Variants in MAML3 observed in about 807,000 individuals in gnomAD.
MAML3 encodes the protein mastermind-like protein 3.
MAML3 carries 27 observed loss-of-function variants against 101.9 expected under a neutral mutation model. The ratio of observed to expected loss-of-function variants is 0.27; its 90% CI spans 0.20 to 0.37. The LOEUF is 0.37. MAML3 is among the 10% of genes least tolerant of loss of function. The pLI, the probability that MAML3 is intolerant of heterozygous loss-of-function variation, is 1.00. For missense variants in MAML3, 1,316 were observed against 1,444.9 expected, an observed-to-expected ratio of 0.91 and a Z score of 1.45; for synonymous variants, 501 against 555.9, an observed-to-expected ratio of 0.90 and a Z score of 1.39.
intron 1 of MAML3, among the ~76,000 whole-genome samples, chr4:140,065,315 T>A (rs1560882169): frequency 6.6e-6 from 1 of 152,002 alleles, no homozygotes; most frequent in Non-Finnish European, 1.5e-5. Context: ...AAAAATTTCA[T>A]CAAGGTAGAA....
rs1303019974 is a variant in MAML3 at position 139,785,183 on chromosome 4, C to T, written c.2080-54516G>A. Among the ~76,000 whole-genome samples, 1 of 152,224 alleles carries T rather than the reference C, an allele frequency of 6.6e-6. No homozygotes were observed. The highest frequency in any genetic ancestry group is 1.9e-4 in the East Asian group (1 of 5,200). On this transcript the variant is annotated intron_variant, in intron 2 of 4. Transcript: ENST00000509479. This position sits in a 1 kb window ranked among gnomAD's most constrained non-coding sequence, Gnocchi z 4.3. ...CTGACAGACACCCAGCCACATGGCT[C>T]CTGGGTGCTCAATGTCTGAACCACA...
intron 2 of MAML3, among the ~76,000 whole-genome samples, chr4:139,821,367 C>T (rs998163503): frequency 5.3e-5 from 8 of 152,166 alleles, no homozygotes; most frequent in African/African-American, 1.9e-4. Context: ...ATTCTCATAG[C>T]AGCACAAACC....
At chr4:140,089,581 T>C (rs1728010993) in intron 1 of MAML3, among the ~76,000 whole-genome samples, 1 of 152,254 alleles carries the variant, frequency 6.6e-6, no homozygotes, top group Non-Finnish European at 1.5e-5. Flanking sequence ...ATAAGCTTTT[T>C]ACTGATATAT....
chr4:140,002,931 T>C (rs1012901681), intron 1 of MAML3, among the ~76,000 whole-genome samples: 2 of 152,228 alleles, frequency 1.3e-5, no homozygotes, highest in African/African-American at 4.8e-5. Context: ...TGGCAGGGTC[T>C]GTTGGAACCA....
chr4:140,116,074 TC>T (rs954388511), intron 1 of MAML3, among the ~76,000 whole-genome samples: 7 of 152,208 alleles, frequency 4.6e-5, no homozygotes, highest in African/African-American at 1.7e-4. Context: ...TTTCATTGTT[TC>T]CCTTTTTTAA....
At chr4:139,989,675 A>G (rs901543990) in intron 1 of MAML3, among the ~76,000 whole-genome samples, 2 of 152,002 alleles carry the variant, frequency 1.3e-5, no homozygotes, top group Non-Finnish European at 2.9e-5. Flanking sequence ...CTTCCTACCC[A>G]GGTGTTTTTG....
intron 4 of MAML3, 95 bp downstream of exon 4, chr4:139,725,656 A>G: frequency 2.5e-6 from 3 of 1,209,458 alleles, no homozygotes; most frequent in Non-Finnish European, 3.6e-6. Context: ...TTTCCTGGAC[A>G]CAAATACAGC....
At chr4:140,087,953 C>G (rs1727984669) in intron 1 of MAML3, among the ~76,000 whole-genome samples, 1 of 152,172 alleles carries the variant, frequency 6.6e-6, no homozygotes, top group African/African-American at 2.4e-5. Flanking sequence ...TACTTGTTAA[C>G]AGGTTCACAC....
intron 2 of MAML3, among the ~76,000 whole-genome samples, chr4:139,796,094 T>C (rs1316886792): frequency 1.3e-5 from 2 of 152,220 alleles, no homozygotes; most frequent in Non-Finnish European, 2.9e-5. Flanking sequence ...GGGAGCTTCA[T>C]GTTTTTTCTT....
chr4:139,870,303 C>T (rs532883594), intron 2 of MAML3, among the ~76,000 whole-genome samples: 3 of 152,044 alleles, frequency 2.0e-5, no homozygotes, highest in Admixed American at 6.5e-5. Context: ...CCTCACCCCA[C>T]CCTACCCCTG....
chr4:139,785,945 T>C lies in MAML3; in HGVS notation c.2080-55278A>G, dbSNP rs1399618439. Among the ~76,000 whole-genome samples, 1 of 152,138 alleles carries C rather than the reference T, an allele frequency of 6.6e-6. No homozygotes were observed. Among genetic ancestry groups the C allele is most frequent in the Admixed American group, 6.5e-5 (1 of 15,278 alleles). ...AATGGGGGTGTTATGGACTGAATTG[T>C]GTCTCCCACCAAAATTCATATGTTG... is the stretch of plus-strand genomic sequence containing the variant. On this transcript the variant is annotated intron_variant, in intron 2 of 4. Coordinates refer to ENST00000509479, the MANE Select transcript of MAML3 (RefSeq NM_018717.5). This position sits in a 1 kb window ranked among gnomAD's most constrained non-coding sequence, Gnocchi z 4.3.
At chr4:139,790,216 C>CATATATATATATATATAT (rs367675413) in intron 2 of MAML3, among the ~76,000 whole-genome samples, 59 of 110,194 alleles carry the variant, frequency 5.4e-4, no homozygotes, top group African/African-American at 1.4e-3. Flanking sequence ...ACCCTAGTGA[C>CATATATATATATATATAT]ATATATATAT....
intron 1 of MAML3, among the ~76,000 whole-genome samples, chr4:140,060,421 C>G (rs1727428203): frequency 1.6e-5 from 2 of 121,256 alleles, no homozygotes; most frequent in Non-Finnish European, 3.4e-5. Context: ...GCCTGTGAAT[C>G]AAGATGGGCT....
At position 140,130,991 on chromosome 4, in the gene MAML3, G is replaced by GA. The variant is rs569829705; in HGVS notation, c.468+21868dup. 8.5e-5 allele frequency among the ~76,000 whole-genome samples: 13 copies of GA among 152,134 alleles called. No individual in the cohort carries two copies. In the East Asian group the frequency reaches 2.1e-3, roughly 25 times the overall value. On this transcript the variant is annotated intron_variant, in intron 1 of 4. Coordinates refer to ENST00000509479, the MANE Select transcript of MAML3 (RefSeq NM_018717.5). Reference sequence around the variant, plus strand: ...AAATAGAGAGGACCAGCAGAATTAGGAAAAATCCCTTCACATCTTGCTGAC... The same window carrying GA: ...AAATAGAGAGGACCAGCAGAATTAGGAAAAAATCCCTTCACATCTTGCTGAC...
chr4:139,867,933 G>A (rs1174999458), intron 2 of MAML3, among the ~76,000 whole-genome samples: 2 of 152,208 alleles, frequency 1.3e-5, no homozygotes, highest in African/African-American at 4.8e-5. Context: ...AGTGAACTGG[G>A]TCTTTGCTTC....
intron 2 of MAML3, among the ~76,000 whole-genome samples, chr4:139,749,257 T>C (rs1729422318): frequency 6.6e-6 from 1 of 152,174 alleles, no homozygotes; most frequent in African/African-American, 2.4e-5. Flanking sequence ...CCAGGTTTCT[T>C]TGCATTAACA....
chr4:139,881,091 CT>C (rs1732210943), intron 2 of MAML3, among the ~76,000 whole-genome samples: 1 of 152,152 alleles, frequency 6.6e-6, no homozygotes, highest in Non-Finnish European at 1.5e-5. Flanking sequence ...GCTGTGAAGA[CT>C]TAGGAACCAG....
At chr4:139,995,692 G>A (rs748857503) in intron 1 of MAML3, among the ~76,000 whole-genome samples, 2 of 151,970 alleles carry the variant, frequency 1.3e-5, no homozygotes, top group South Asian at 2.1e-4. Context: ...TTTTTCATTC[G>A]TGATTGGCTA....
intron 2 of MAML3, among the ~76,000 whole-genome samples, chr4:139,731,751 G>A (rs1291187313): frequency 6.6e-6 from 1 of 152,198 alleles, no homozygotes; most frequent in Non-Finnish European, 1.5e-5. Flanking sequence ...TAGGGAAGAG[G>A]AGGTCAAGTG....
Sources: allele counts gnomAD v4.1 joint callset (sites outside exome capture counted in the v4.1 genomes callset), GRCh38; gene constraint gnomAD v4.1.1; non-coding constraint Gnocchi (gnomAD v3.1); transcripts MANE v1.5; gene names NCBI Gene and HGNC (gene_info 2026-07-23, HGNC 2026-07-21).